LPCAT2: variants seen among roughly 807,000 people sequenced by gnomAD.
LPCAT2 encodes the protein 1-AGP acyltransferase 11.
LPCAT2 carries 58 observed loss-of-function variants against 64.7 expected under a neutral mutation model. The observed-to-expected ratio is 0.90, with a 90% confidence interval of 0.73 to 1.12. LPCAT2 has a LOEUF of 1.12. Ranked by LOEUF, LPCAT2 falls within the 50% of genes most tolerant of loss-of-function variation. The probability of loss-of-function intolerance (pLI) is 0.00; values close to 1 mark genes in which losing one functional copy is unlikely to be tolerated. For synonymous variants in LPCAT2, 252 were observed against 245.3 expected, an observed-to-expected ratio of 1.03 and a Z score of -0.26; for missense variants, 579 against 669.8, an observed-to-expected ratio of 0.86 and a Z score of 1.50.
chr16:55,536,313 G>A (rs72812709), intron 7 of LPCAT2, among the ~76,000 whole-genome samples: 4,288 of 152,214 alleles, frequency 0.028, 94 homozygotes, highest in Non-Finnish European at 0.044. Context: ...TCTGTAGGGT[G>A]GACAAGACAG....
intron 2 of LPCAT2, 116 bp downstream of exon 2, chr16:55,525,763 A>G: frequency 4.8e-6 from 3 of 626,140 alleles, no homozygotes; most frequent in Non-Finnish European, 7.1e-6. Flanking sequence ...GTTAGATAAA[A>G]CTATTTTATC....
chr16:55,557,570 A>C (rs1963591405), intron 11 of LPCAT2, among the ~76,000 whole-genome samples: 1 of 152,172 alleles, frequency 6.6e-6, no homozygotes, highest in Non-Finnish European at 1.5e-5. Flanking sequence ...GAAAGAGAAA[A>C]GGTAAGGTGT....
At position 55,529,689 on chromosome 16, in the gene LPCAT2, G is replaced by A. The variant is rs1963223860; in HGVS notation, c.530-146G>A. On this transcript the variant is annotated intron_variant, in intron 3 of 13. Transcript: ENST00000262134. ...ATATCCACTTCTTTCAAAATTAGAA[G>A]CTAAGTTCTAATAAATTGTTTTTTA... 3 of 446,468 alleles carry A rather than the reference G, an allele frequency of 6.7e-6. No homozygotes were observed. In the South Asian group the frequency reaches 1.6e-4, roughly 24 times the overall value. The allele number at this position is 446,468 out of a possible 1,614,324, so 27.7% of individuals were successfully genotyped here.
chr16:55,547,184 A>C (rs1277756785), intron 9 of LPCAT2, among the ~76,000 whole-genome samples: 2 of 152,136 alleles, frequency 1.3e-5, no homozygotes, highest in East Asian at 1.9e-4. Flanking sequence ...AACTTATATC[A>C]GATATTTTGG....
At chr16:55,549,505 C>T in intron 10 of LPCAT2, 103 bp downstream of exon 10, 1 of 1,116,488 alleles carries the variant, frequency 9.0e-7, no homozygotes, top group Non-Finnish European at 1.2e-6. Flanking sequence ...CTCTAGTTCC[C>T]ATTTGGTGTA....
chr16:55,534,550 A>G (rs753907160), intron 7 of LPCAT2, 73 bp downstream of exon 7: 14 of 711,076 alleles, frequency 2.0e-5, no homozygotes, highest in Non-Finnish European at 3.0e-5. Flanking sequence ...TCATTTATTC[A>G]TTCTTTAAAA....
chr16:55,558,820 G>A (rs1196029785), intron 11 of LPCAT2, among the ~76,000 whole-genome samples: 10 of 152,094 alleles, frequency 6.6e-5, no homozygotes, highest in East Asian at 1.9e-4. Flanking sequence ...GCTGTAGTTC[G>A]CTGGTCCCTA....
chr16:55,575,771 C>G (rs1180190700), intron 12 of LPCAT2, among the ~76,000 whole-genome samples: 1 of 152,146 alleles, frequency 6.6e-6, no homozygotes, highest in African/African-American at 2.4e-5. Flanking sequence ...ACAGAAGAGC[C>G]CCTGAGTTTA....
At position 55,567,275 on chromosome 16, in the gene LPCAT2, G is replaced by A. The variant is rs753421234; in HGVS notation, c.1216-7356G>A. The A allele has an allele frequency of 6.8e-6, 11 of 1,613,666 alleles. No homozygotes were observed. In the South Asian group the frequency reaches 1.2e-4, roughly 18 times the overall value. On this transcript the variant is annotated intron_variant, in intron 11 of 13. Transcript: ENST00000262134. ...ATTCTGGGTCTCTGGGAAGTTCTCAGCTGCGGGGAGCTCTGCAGGCCGCAG... is the reference window on the plus strand; with the variant it reads ...ATTCTGGGTCTCTGGGAAGTTCTCAACTGCGGGGAGCTCTGCAGGCCGCAG...
chr16:55,569,845 A>G (rs1249393775), intron 11 of LPCAT2, among the ~76,000 whole-genome samples: 1 of 152,188 alleles, frequency 6.6e-6, no homozygotes, highest in African/African-American at 2.4e-5. Flanking sequence ...AAGTGATTGA[A>G]TTTCTTAGTT....
In LPCAT2 at chr16:55,529,962, A is replaced by T. The variant is rs377313170; in HGVS notation, c.642+15A>T. ...AATGGCCCCAGGTAAAACATGGTAG[A>T]TGTTAATTTAAATATAGTGGGAGTT... is the stretch of plus-strand genomic sequence containing the variant. On this transcript the variant is annotated intron_variant, in intron 4 of 13. Coordinates refer to ENST00000262134, the MANE Select transcript of LPCAT2 (RefSeq NM_017839.5). The T allele has an allele frequency of 3.8e-6, 6 of 1,567,076 alleles. No homozygotes were observed. The highest frequency in any genetic ancestry group is 1.7e-5 in the Admixed American group (1 of 57,382).
intron 8 of LPCAT2, among the ~76,000 whole-genome samples, chr16:55,544,795 G>A (rs1963435111): frequency 6.6e-6 from 1 of 152,110 alleles, no homozygotes; most frequent in South Asian, 2.1e-4. Context: ...AGGAAGGATG[G>A]TTAGTGGAGA....
At chr16:55,543,021 CTT>C (rs1245728539) in intron 8 of LPCAT2, among the ~76,000 whole-genome samples, 6 of 152,248 alleles carry the variant, frequency 3.9e-5, no homozygotes, top group Admixed American at 3.9e-4. Flanking sequence ...GTTCACCTCT[CTT>C]TGATTGATTT....
intron 11 of LPCAT2, among the ~76,000 whole-genome samples, chr16:55,561,754 C>T (rs1343676172): frequency 2.6e-5 from 4 of 151,950 alleles, no homozygotes; most frequent in African/African-American, 9.7e-5. Flanking sequence ...CAGATGGCCC[C>T]TTGTGATTCC....
intron 3 of LPCAT2, among the ~76,000 whole-genome samples, chr16:55,529,599 A>G (rs576237577): frequency 1.3e-5 from 2 of 152,260 alleles, no homozygotes; most frequent in East Asian, 3.9e-4. Context: ...AGAAAATTAC[A>G]TTTGCTTCCT....
intron 13 of LPCAT2, 117 bp from the exon 14 acceptor site, chr16:55,582,797 T>A (rs1963901142): frequency 3.1e-6 from 2 of 646,352 alleles, no homozygotes; most frequent in Admixed American, 5.9e-5. Flanking sequence ...CAGCAATGTT[T>A]GTGTGTTGGG....
rs1421070927 is a variant in LPCAT2, at chr16:55,584,855, T to C, written c.*1757T>C. On this transcript the variant is annotated 3_prime_UTR_variant, in exon 14 of 14. Coordinates refer to ENST00000262134, the MANE Select transcript of LPCAT2 (RefSeq NM_017839.5). Reference sequence around the variant, plus strand: ...TTGCCTCTTATATGTCTTAAAGCTATTTAAACAAGGTGTTAAATGAGCCAA... The same window carrying C: ...TTGCCTCTTATATGTCTTAAAGCTACTTAAACAAGGTGTTAAATGAGCCAA... The C allele has an allele frequency of 6.6e-6, 1 of 152,210 alleles. No homozygotes were observed. Among genetic ancestry groups the C allele is most frequent in the African/African-American group, 2.4e-5 (1 of 41,470 alleles). 9.4% of individuals were successfully genotyped at this position (152,210 alleles called of 1,614,324 possible).
At chr16:55,562,536 A>G (rs1963647740) in intron 11 of LPCAT2, among the ~76,000 whole-genome samples, 1 of 151,892 alleles carries the variant, frequency 6.6e-6, no homozygotes, top group Non-Finnish European at 1.5e-5. Context: ...CCTAAATACT[A>G]AAACATATAT....
chr16:55,574,387 T>C (rs1188543454), intron 11 of LPCAT2, among the ~76,000 whole-genome samples: 1 of 152,196 alleles, frequency 6.6e-6, no homozygotes, highest in African/African-American at 2.4e-5. Context: ...CTGGGTGCCA[T>C]AGAGCCATGA....
Sources: allele counts gnomAD v4.1 joint callset (sites outside exome capture counted in the v4.1 genomes callset), GRCh38; gene constraint gnomAD v4.1.1; transcripts MANE v1.5; gene names NCBI Gene and HGNC (gene_info 2026-07-23, HGNC 2026-07-21).